Variants in AHCYL2 observed in about 807,000 individuals in gnomAD.
The protein encoded by AHCYL2 is adenosylhomocysteinase like 2.
Under a neutral mutation model 81.4 loss-of-function variants are expected in AHCYL2, and 28 were observed. The observed-to-expected ratio is 0.34, with a 90% CI of 0.25 to 0.47. AHCYL2 has a LOEUF of 0.47. Ranked by LOEUF, AHCYL2 falls within the 20% of genes least tolerant of loss-of-function variation. The probability of loss-of-function intolerance (pLI) is 1.00; values close to 1 mark genes in which losing one functional copy is unlikely to be tolerated. For missense variants in AHCYL2, 551 were observed against 785.1 expected, an observed-to-expected ratio of 0.70 and a Z score of 3.56; for synonymous variants, 272 against 290.2, an observed-to-expected ratio of 0.94 and a Z score of 0.64.
At chr7:129,244,535 C>A (rs1794980922) in intron 1 of AHCYL2, among the ~76,000 whole-genome samples, 1 of 152,088 alleles carries the variant, frequency 6.6e-6, no homozygotes, top group African/African-American at 2.4e-5. Context: ...TCTGGTGTGG[C>A]CTAGCTAACT....
rs557624775 is a variant in AHCYL2, at chr7:129,320,717, G to T, written c.364-58921G>T. Among the ~76,000 whole-genome samples, 7 of 152,260 alleles carry T rather than the reference G, an allele frequency of 4.6e-5. No homozygotes were observed. The South Asian group carries it at 8.3e-4, about 18-fold the overall frequency. On this transcript the variant is annotated intron_variant, in intron 1 of 16. Coordinates refer to ENST00000325006, the MANE Select transcript of AHCYL2 (RefSeq NM_015328.4). ...TATTCACAAGGTTGTACAACCATCA[G>T]CATCATCTGATTCCAGAACATTTTT...
Position 129,294,247 on chromosome 7 carries a change from A to C in AHCYL2, c.363+68808A>C, listed in dbSNP as rs560582063. Among the ~76,000 whole-genome samples the C allele has an allele frequency of 2.0e-5, 3 of 152,282 alleles. No individual in the cohort carries two copies. In the East Asian group the frequency reaches 5.8e-4, roughly 29 times the overall value. On this transcript the variant is annotated intron_variant, in intron 1 of 16. Transcript: ENST00000325006. ...TAATTGGTTTGACTGCATCTCTAAA[A>C]GCTCTCTTTAGATTGATGCCAAAAA...
intron 2 of AHCYL2, among the ~76,000 whole-genome samples, chr7:129,383,481 A>G (rs1412233508): frequency 6.6e-6 from 1 of 152,098 alleles, no homozygotes; most frequent in Non-Finnish European, 1.5e-5. Flanking sequence ...CAAACCTCCC[A>G]TGTATTAAAA....
At chr7:129,269,283 T>G (rs1037573242) in intron 1 of AHCYL2, among the ~76,000 whole-genome samples, 19 of 151,798 alleles carry the variant, frequency 1.3e-4, no homozygotes, top group African/African-American at 4.1e-4. Context: ...TGCACCACCA[T>G]GCCTAATTTT....
At chr7:129,285,548 C>T (rs1796597496) in intron 1 of AHCYL2, among the ~76,000 whole-genome samples, 1 of 151,868 alleles carries the variant, frequency 6.6e-6, no homozygotes, top group Admixed American at 6.6e-5. Context: ...AAAAAAGGTA[C>T]AAAAAAAGGA....
At chr7:129,257,405 T>G (rs1465032331) in intron 1 of AHCYL2, among the ~76,000 whole-genome samples, 1 of 152,010 alleles carries the variant, frequency 6.6e-6, no homozygotes, top group Non-Finnish European at 1.5e-5. Context: ...ATTTCTGACA[T>G]GGTGACAACT....
At chr7:129,374,939 G>T (rs1794605399) in intron 1 of AHCYL2, among the ~76,000 whole-genome samples, 2 of 150,702 alleles carry the variant, frequency 1.3e-5, no homozygotes. Flanking sequence ...GTTGAGTGTA[G>T]CTTTCTTCCT....
intron 1 of AHCYL2, among the ~76,000 whole-genome samples, chr7:129,344,178 G>A (rs529418327): frequency 2.6e-5 from 4 of 152,238 alleles, no homozygotes; most frequent in African/African-American, 9.6e-5. Context: ...TTGCTGGTGT[G>A]AAACAGTTTA....
intron 1 of AHCYL2, among the ~76,000 whole-genome samples, chr7:129,362,406 G>A (rs1016808003): frequency 2.0e-5 from 3 of 152,062 alleles, no homozygotes; most frequent in Non-Finnish European, 4.4e-5. Context: ...TAGGGAGAAG[G>A]GCTCAACAAT....
intron 11 of AHCYL2, chr7:129,410,181 G>A (rs1194433796): frequency 7.4e-6 from 12 of 1,610,902 alleles, no homozygotes; most frequent in East Asian, 2.2e-5. Context: ...TAACCAATCC[G>A]ATCATTGATC....
chr7:129,317,019 G>A (rs939595194), intron 1 of AHCYL2, among the ~76,000 whole-genome samples: 8 of 152,124 alleles, frequency 5.3e-5, no homozygotes, highest in African/African-American at 1.2e-4. Context: ...TCTTCATTGC[G>A]GGCCAGGTCT....
chr7:129,389,333 G>T, intron 3 of AHCYL2, 134 bp downstream of exon 3: 2 of 1,058,184 alleles, frequency 1.9e-6, no homozygotes, highest in Non-Finnish European at 2.7e-6. Flanking sequence ...AAAGAAATGT[G>T]AGTTCAAGAA....
intron 1 of AHCYL2, among the ~76,000 whole-genome samples, chr7:129,280,310 C>T (rs1796387515): frequency 6.6e-6 from 1 of 151,124 alleles, no homozygotes; most frequent in South Asian, 2.1e-4. Flanking sequence ...GCTGGGATTG[C>T]AGGCGCCCAC....
At chr7:129,329,881 G>A (rs1798357161) in intron 1 of AHCYL2, among the ~76,000 whole-genome samples, 2 of 152,194 alleles carry the variant, frequency 1.3e-5, no homozygotes, top group Non-Finnish European at 2.9e-5. Context: ...AAGCAAACAA[G>A]GAAATTTAGT....
At chr7:129,281,433 A>T (rs1477279976) in intron 1 of AHCYL2, among the ~76,000 whole-genome samples, 2 of 140,976 alleles carry the variant, frequency 1.4e-5, no homozygotes, top group Admixed American at 7.0e-5. Flanking sequence ...TTTCCTTCTG[A>T]TCTTTATTTT....
intron 1 of AHCYL2, among the ~76,000 whole-genome samples, chr7:129,225,642 C>G (rs1000812240): frequency 6.6e-6 from 1 of 152,126 alleles, no homozygotes; most frequent in Non-Finnish European, 1.5e-5. Context: ...GAGGCACGGC[C>G]GTACTTCGCT....
chr7:129,397,812 T>C (rs1357606632), intron 5 of AHCYL2, among the ~76,000 whole-genome samples: 1 of 152,208 alleles, frequency 6.6e-6, no homozygotes, highest in Non-Finnish European at 1.5e-5. Flanking sequence ...AATAGAGAAA[T>C]TTGGACTTTG....
chr7:129,384,915 C>T (rs915343666), intron 2 of AHCYL2, among the ~76,000 whole-genome samples: 29 of 152,070 alleles, frequency 1.9e-4, no homozygotes, highest in Admixed American at 5.9e-4. Flanking sequence ...CATTAATCCA[C>T]GAAACTATTT....
chr7:129,258,911 G>C (rs1190558505), intron 1 of AHCYL2, among the ~76,000 whole-genome samples: 1 of 152,206 alleles, frequency 6.6e-6, no homozygotes, highest in Admixed American at 6.5e-5. Flanking sequence ...GTGAGCACTT[G>C]TTAGGGCATT....
Sources: allele counts gnomAD v4.1 joint callset (sites outside exome capture counted in the v4.1 genomes callset), GRCh38; gene constraint gnomAD v4.1.1; transcripts MANE v1.5; gene names NCBI Gene and HGNC (gene_info 2026-07-23, HGNC 2026-07-21).